HECA: variants seen among roughly 807,000 people sequenced by gnomAD.
The protein encoded by HECA is HECA ribonucleoprotein granule regulator, also known as headcase protein homolog.
A neutral mutation model predicts 37.6 loss-of-function variants in HECA; 13 were observed. That is an observed-to-expected ratio of 0.35 (90% CI 0.23 to 0.55). The LOEUF (loss-of-function observed/expected upper bound fraction) is 0.55, where lower values mean the gene tolerates loss of function less well. HECA is among the 20% of genes least tolerant of loss of function. The pLI is 0.90. For synonymous variants in HECA, 307 were observed against 291.5 expected, an observed-to-expected ratio of 1.05 and a Z score of -0.54; for missense variants, 527 against 701.9, an observed-to-expected ratio of 0.75 and a Z score of 2.82.
At chr6:139,167,397 A>G (rs1231943628) in intron 2 of HECA, 73 bp downstream of exon 2, 7 of 1,251,736 alleles carry the variant, frequency 5.6e-6, no homozygotes, top group Admixed American at 2.3e-5. Flanking sequence ...AGATTGCTCT[A>G]TTTTGGTGTA....
At chr6:139,140,761 C>G (rs1419948213) in intron 1 of HECA, among the ~76,000 whole-genome samples, 4 of 152,172 alleles carry the variant, frequency 2.6e-5, no homozygotes, top group Non-Finnish European at 5.9e-5. Flanking sequence ...AGAAAAAAAT[C>G]TGTCCTAACT....
At position 139,179,689 on chromosome 6, in the gene HECA, T is replaced by C. The variant is rs1775106644; in HGVS notation, c.*2584T>C. On this transcript the variant is annotated 3_prime_UTR_variant, in exon 4 of 4. Coordinates refer to ENST00000367658, the MANE Select transcript of HECA (RefSeq NM_016217.3). Reference sequence around the variant, plus strand: ...TTCAACACCATGAAGATAAATCTTATTTTGGAAATCTACTGACCTTAATAC... The same window carrying C: ...TTCAACACCATGAAGATAAATCTTACTTTGGAAATCTACTGACCTTAATAC... 2 of 152,338 alleles carry C rather than the reference T, an allele frequency of 1.3e-5. No individual in the cohort carries two copies. Among genetic ancestry groups the C allele is most frequent in the Non-Finnish European group, 1.5e-5 (1 of 68,032 alleles). The allele number at this position is 152,338 out of a possible 1,614,324, so 9.4% of individuals were successfully genotyped here. A position where few individuals can be genotyped will look rare whatever the true frequency, so the allele number is the denominator to read the frequency against.
At chr6:139,137,378 A>G (rs1191180452) in intron 1 of HECA, among the ~76,000 whole-genome samples, 2 of 152,278 alleles carry the variant, frequency 1.3e-5, no homozygotes, top group South Asian at 2.1e-4. Flanking sequence ...CCCCTTCCCT[A>G]TTATGCTCCC....
intron 1 of HECA, among the ~76,000 whole-genome samples, chr6:139,148,111 G>A (rs548784346): frequency 4.6e-5 from 7 of 151,886 alleles, no homozygotes; most frequent in African/African-American, 1.7e-4. Flanking sequence ...TGTGATTTTT[G>A]TCCATTTTAC....
chr6:139,166,687 C>G lies in HECA; in HGVS notation c.675C>G (p.Cys225Trp). The change falls in exon 2 of 4, where the codon TGC (cysteine) becomes TGG (tryptophan). Residue 225 changes from cysteine (C) to tryptophan (W), a missense_variant. This residue lies in a region of HECA where 228 missense variants were observed against 259.8 expected (regional missense o/e 0.88). Coordinates refer to ENST00000367658, the MANE Select transcript of HECA (RefSeq NM_016217.3). ...AGGCGGCGGAGGAGGCAAAAAAGTG[C>G]AGGCCCCCAAATAAGCCCCAGAAAG... ...PGEAAEEAKK[C>W]RPPNKPQKGP... 6.2e-7 allele frequency: 1 copy of G among 1,613,220 alleles called. No individual in the cohort carries two copies. Among genetic ancestry groups the G allele is most frequent in the Non-Finnish European group, 8.5e-7 (1 of 1,179,614 alleles).
intron 1 of HECA, among the ~76,000 whole-genome samples, chr6:139,145,418 C>G (rs1040111046): frequency 6.6e-6 from 1 of 152,026 alleles, no homozygotes; most frequent in Non-Finnish European, 1.5e-5. Context: ...AAGAAAGATA[C>G]TAAGAGGAAG....
At chr6:139,153,151 G>A (rs115744610) in intron 1 of HECA, 6,237 of 152,264 alleles carry the variant, frequency 0.041, 138 homozygotes, top group African/African-American at 0.063. Context: ...GTTTCTGAAT[G>A]TGTGTATGAT....
At chr6:139,143,032 G>C (rs10428857) in intron 1 of HECA, among the ~76,000 whole-genome samples, 6,224 of 152,274 alleles carry the variant, frequency 0.041, 134 homozygotes, top group African/African-American at 0.063. Context: ...TTGAAATTCT[G>C]TCTGTATTAT....
rs138402324 is a variant in HECA at position 139,161,702 on chromosome 6, A to G, written c.272-4582A>G. ...CAGTCTCAACATTTACAGTTGGAAT[A>G]TTGTGAATGCAAATGTTAGTTAGAT... On this transcript the variant is annotated intron_variant, in intron 1 of 3. Transcript: ENST00000367658. Among the ~76,000 whole-genome samples, 612 of 152,360 alleles carry G rather than the reference A, an allele frequency of 4.0e-3. 2 individuals carry two copies. The highest frequency in any genetic ancestry group is 0.014 in the Middle Eastern group (4 of 294).
intron 1 of HECA, among the ~76,000 whole-genome samples, chr6:139,137,893 C>T (rs749554397): frequency 1.3e-5 from 2 of 151,852 alleles, no homozygotes; most frequent in Admixed American, 6.6e-5. Flanking sequence ...AAGTGAAAGG[C>T]GGGGAGAAAA....
intron 2 of HECA, among the ~76,000 whole-genome samples, chr6:139,171,228 A>G (rs978791040): frequency 2.6e-5 from 4 of 152,140 alleles, no homozygotes; most frequent in Non-Finnish European, 4.4e-5. Context: ...TAGGAAGAAA[A>G]GAGAAAAAAA....
At chr6:139,140,124 T>C (rs973449311) in intron 1 of HECA, among the ~76,000 whole-genome samples, 1 of 152,248 alleles carries the variant, frequency 6.6e-6, no homozygotes, top group African/African-American at 2.4e-5. Flanking sequence ...AAGACACTTT[T>C]TATAACCGAG....
At chr6:139,170,238 A>G (rs1225343287) in intron 2 of HECA, 1 of 152,346 alleles carries the variant, frequency 6.6e-6, no homozygotes, top group East Asian at 1.9e-4. Flanking sequence ...TCCATGATGG[A>G]CAGATTATTG....
intron 1 of HECA, among the ~76,000 whole-genome samples, chr6:139,139,641 G>A (rs1774490958): frequency 6.6e-6 from 1 of 152,214 alleles, no homozygotes; most frequent in Non-Finnish European, 1.5e-5. Context: ...GGGAGCTCTG[G>A]AGGTGGGATG....
At chr6:139,171,385 G>A (rs555961713) in intron 2 of HECA, among the ~76,000 whole-genome samples, 101 of 152,254 alleles carry the variant, frequency 6.6e-4, no homozygotes, top group African/African-American at 2.2e-3. Flanking sequence ...TAGATAATGC[G>A]CACATTAGAT....
intron 1 of HECA, among the ~76,000 whole-genome samples, chr6:139,151,897 G>A (rs1334345263): frequency 6.6e-6 from 1 of 152,164 alleles, no homozygotes; most frequent in African/African-American, 2.4e-5. Flanking sequence ...CAATTGTCCT[G>A]TGTGCAGTAT....
intron 1 of HECA, among the ~76,000 whole-genome samples, chr6:139,145,221 G>A (rs1213748645): frequency 4.6e-5 from 7 of 152,204 alleles, no homozygotes; most frequent in Admixed American, 3.9e-4. Flanking sequence ...AGTGGTTAGC[G>A]AAATAGCAAC....
At chr6:139,147,754 T>C (rs1774603361) in intron 1 of HECA, among the ~76,000 whole-genome samples, 1 of 152,238 alleles carries the variant, frequency 6.6e-6, no homozygotes, top group Non-Finnish European at 1.5e-5. Context: ...AAGGACTTCC[T>C]GGTCTTGGCT....
chr6:139,147,716 G>C (rs142960837), intron 1 of HECA, among the ~76,000 whole-genome samples: 127 of 152,308 alleles, frequency 8.3e-4, no homozygotes, highest in African/African-American at 2.9e-3. Context: ...CATTGTACAC[G>C]TATGTTGATC....
Sources: allele counts gnomAD v4.1 joint callset (sites outside exome capture counted in the v4.1 genomes callset), GRCh38; gene constraint gnomAD v4.1.1; regional missense constraint gnomAD v4.1.1; transcripts MANE v1.5; gene names NCBI Gene and HGNC (gene_info 2026-07-23, HGNC 2026-07-21).